The following UBXN7 variants were observed in gnomAD, a reference collection of about 807,000 sequenced individuals.
The protein encoded by UBXN7 is UBX domain-containing protein 7.
UBXN7 carries 9 observed loss-of-function variants against 58.0 expected under a neutral mutation model. The ratio of observed to expected loss-of-function variants is 0.16; its 90% CI spans 0.09 to 0.27. The LOEUF is 0.27. Ranked by LOEUF, UBXN7 falls within the 10% of genes least tolerant of loss-of-function variation. The pLI is 1.00. For synonymous variants in UBXN7, 208 were observed against 205.0 expected (o/e 1.01, Z -0.12); for missense variants, 328 against 599.6 (o/e 0.55, Z 4.73).
intron 5 of UBXN7, among the ~76,000 whole-genome samples, chr3:196,374,798 A>G (rs1319568154): frequency 7.2e-6 from 1 of 139,402 alleles, no homozygotes; most frequent in Admixed American, 7.4e-5. Flanking sequence ...AATTGCTTGA[A>G]CCTGGGTGGC....
intron 1 of UBXN7, among the ~76,000 whole-genome samples, chr3:196,429,432 T>G (rs1730953398): frequency 6.6e-6 from 1 of 152,356 alleles, no homozygotes; most frequent in South Asian, 2.1e-4. Context: ...CAATTTTCCG[T>G]TCTATTTCTA....
chr3:196,391,548 C>T (rs896210007), intron 5 of UBXN7, among the ~76,000 whole-genome samples: 4 of 151,456 alleles, frequency 2.6e-5, no homozygotes, highest in African/African-American at 9.7e-5. Flanking sequence ...CTGGGCGACA[C>T]AGTGAGACCC....
rs1305193525 is a variant in UBXN7, at chr3:196,417,108, TC to T, written c.74-9716del. 1.6e-4 allele frequency among the ~76,000 whole-genome samples: 25 copies of T among 152,088 alleles called. 1 individual carries two copies. The highest frequency in any genetic ancestry group is 1.6e-3 in the Admixed American group (25 of 15,270). ...GCGGGCGGATCACAAGGTCAGGAGA[TC>T]GAGACCATCCTGGCTAACACGGTGA... On this transcript the variant is annotated intron_variant, in intron 1 of 10. Coordinates refer to ENST00000296328, the MANE Select transcript of UBXN7 (RefSeq NM_015562.2).
rs1335884094 is a variant in UBXN7, at chr3:196,421,784, A to G, written c.73+10543T>C. 2.0e-5 allele frequency among the ~76,000 whole-genome samples: 3 copies of G among 152,094 alleles called. No individual in the cohort carries two copies. In the East Asian group the frequency reaches 5.8e-4, roughly 29 times the overall value. Reference sequence around the variant, plus strand: ...AAGCGAGACTCCATCTCAAACCAAAAAAAAAAAAGATTTATAGATGGTAAG... The same window carrying G: ...AAGCGAGACTCCATCTCAAACCAAAGAAAAAAAAGATTTATAGATGGTAAG... On this transcript the variant is annotated intron_variant, in intron 1 of 10. Coordinates refer to ENST00000296328, the MANE Select transcript of UBXN7 (RefSeq NM_015562.2).
rs1469871782 is a variant in UBXN7 at position 196,347,911 on chromosome 3, C to T, written c.*8774G>A. 1 of 142,932 alleles carries T rather than the reference C, an allele frequency of 7.0e-6. No homozygotes were observed. Among genetic ancestry groups the T allele is most frequent in the East Asian group, 2.3e-4 (1 of 4,432 alleles). 8.9% of individuals were successfully genotyped at this position (142,932 alleles called of 1,614,324 possible). On this transcript the variant is annotated 3_prime_UTR_variant, in exon 11 of 11. Coordinates refer to ENST00000296328, the MANE Select transcript of UBXN7 (RefSeq NM_015562.2). ...TAATATAAAGCAACTGGGTACAACA[C>T]AGCAAGAGTATTCACAATTTGGTAC...
intron 2 of UBXN7, among the ~76,000 whole-genome samples, chr3:196,405,576 G>A (rs1730137663): frequency 6.6e-6 from 1 of 152,018 alleles, no homozygotes; most frequent in Non-Finnish European, 1.5e-5. Context: ...GTGTGTGTGT[G>A]TGTATATATA....
chr3:196,431,484 G>A (rs1731046508), intron 1 of UBXN7: 1 of 155,376 alleles, frequency 6.4e-6, no homozygotes, highest in South Asian at 1.7e-4. Flanking sequence ...TCCAAAGGGA[G>A]AGAACCTAGG....
At chr3:196,412,726 G>A (rs1254739624) in intron 1 of UBXN7, among the ~76,000 whole-genome samples, 3 of 152,242 alleles carry the variant, frequency 2.0e-5, no homozygotes, top group Non-Finnish European at 4.4e-5. Flanking sequence ...TTCATACAAT[G>A]GAATCTCATG....
intron 5 of UBXN7, among the ~76,000 whole-genome samples, chr3:196,373,049 C>A (rs1728890478): frequency 6.6e-6 from 1 of 152,176 alleles, no homozygotes; most frequent in African/African-American, 2.4e-5. Flanking sequence ...CCGCGCCCAG[C>A]CAATTATACT....
chr3:196,402,733 C>T (rs547741358), intron 3 of UBXN7, among the ~76,000 whole-genome samples: 4 of 152,286 alleles, frequency 2.6e-5, no homozygotes, highest in Admixed American at 2.0e-4. Flanking sequence ...TTTTTGCTAA[C>T]GTCCCTCCTT....
rs73891237 is a variant in UBXN7, at chr3:196,418,864, T to G, written c.74-11471A>C. Among the ~76,000 whole-genome samples the G allele has an allele frequency of 4.1e-3, 623 of 152,286 alleles. 6 individuals carry two copies. Among genetic ancestry groups the G allele is most frequent in the African/African-American group, 0.014 (600 of 41,550 alleles). On this transcript the variant is annotated intron_variant, in intron 1 of 10. Transcript: ENST00000296328. ...ACACTCAGGGTCCAGAGTTAGAGGA[T>G]AGGGAAAGACTACTTTGCCATCCTA...
Position 196,353,771 on chromosome 3 carries a change from G to A in UBXN7, c.*2914C>T, listed in dbSNP as rs554789602. The A allele has an allele frequency of 6.6e-6, 1 of 152,158 alleles. No homozygotes were observed. The highest frequency in any genetic ancestry group is 2.1e-4 in the South Asian group (1 of 4,814). The allele number at this position is 152,158 out of a possible 1,614,324, so 9.4% of individuals were successfully genotyped here. ...CAAAGTGTTGGGATTACAGGCATGA[G>A]CCACCGCGCCCGGCCTTCCTGGTAG... is the stretch of plus-strand genomic sequence containing the variant. On this transcript the variant is annotated 3_prime_UTR_variant, in exon 11 of 11. Coordinates refer to ENST00000296328, the MANE Select transcript of UBXN7 (RefSeq NM_015562.2).
intron 5 of UBXN7, among the ~76,000 whole-genome samples, chr3:196,391,020 T>C (rs1196609781): frequency 6.6e-6 from 1 of 152,186 alleles, no homozygotes; most frequent in Non-Finnish European, 1.5e-5. Flanking sequence ...TGGAAAGTTT[T>C]TGTTTGGGTT....
At chr3:196,387,522 T>A (rs1271352328) in intron 5 of UBXN7, among the ~76,000 whole-genome samples, 4 of 151,878 alleles carry the variant, frequency 2.6e-5, no homozygotes, top group Admixed American at 1.3e-4. Flanking sequence ...TGGGAAAAAA[T>A]TTTTGCAATC....
intron 8 of UBXN7, among the ~76,000 whole-genome samples, chr3:196,363,239 CATACATACATAAAT>C (rs1407625840): frequency 3.7e-5 from 5 of 134,360 alleles, no homozygotes; most frequent in African/African-American, 1.2e-4. Context: ...TACATACATA[CATACATACATAAAT>C]ATATATATAC....
At chr3:196,359,468 C>A (rs910854465) in intron 10 of UBXN7, among the ~76,000 whole-genome samples, 5 of 152,098 alleles carry the variant, frequency 3.3e-5, no homozygotes, top group African/African-American at 1.2e-4. Flanking sequence ...CAATCAATTG[C>A]TAAAAATGAT....
intron 1 of UBXN7, among the ~76,000 whole-genome samples, chr3:196,410,030 T>G (rs960318043): frequency 1.3e-5 from 2 of 151,674 alleles, no homozygotes; most frequent in Non-Finnish European, 2.9e-5. Context: ...AACCTCCACT[T>G]CAGGGTTCAA....
In UBXN7 at chr3:196,371,953, A is replaced by G. The variant is rs1577439710; in HGVS notation, c.558T>C (p.Asp186=). ...TCTTCACAGCTTCGTTGCTCCACAC[A>G]TCGCGGTTGAGGCACTGACATGCAA... ...QDFACQCLNR[D]VWSNEAVKNI... The change falls in exon 6 of 11, where the codon GAT becomes GAC. Residue 186 remains aspartate (D), a synonymous_variant. Transcript: ENST00000296328. The G allele has an allele frequency of 2.5e-6, 4 of 1,613,922 alleles. No homozygotes were observed. The highest frequency in any genetic ancestry group is 2.7e-5 in the African/African-American group (2 of 75,052).
intron 1 of UBXN7, among the ~76,000 whole-genome samples, chr3:196,428,951 G>A (rs1730932735): frequency 1.3e-5 from 2 of 151,378 alleles, no homozygotes; most frequent in Non-Finnish European, 2.9e-5. Context: ...GCAAGAGGAT[G>A]GCTGAGCCCA....
Sources: gnomAD v4.1 joint callset for allele counts (sites outside exome capture counted in the v4.1 genomes callset) on GRCh38, gnomAD v4.1.1 for gene constraint, MANE v1.5 for transcripts, NCBI Gene and HGNC (gene_info 2026-07-23, HGNC 2026-07-21) for gene names.